The following LATS2 variants were observed in gnomAD, a reference collection of about 807,000 sequenced individuals.
LATS2 encodes the protein serine/threonine-protein kinase LATS2.
LATS2 carries 24 observed loss-of-function variants against 76.0 expected under a neutral mutation model. The observed-to-expected ratio is 0.32, with a 90% CI of 0.23 to 0.44. The LOEUF (loss-of-function observed/expected upper bound fraction) is 0.44, where lower values mean the gene tolerates loss of function less well. LATS2 is among the 20% of genes least tolerant of loss of function. The pLI, the probability that LATS2 is intolerant of heterozygous loss-of-function variation, is 1.00. For missense variants in LATS2, 1,286 were observed against 1,481.2 expected, an observed-to-expected ratio of 0.87 and a Z score of 2.16; for synonymous variants, 692 against 635.4, an observed-to-expected ratio of 1.09 and a Z score of -1.34.
intron 1 of LATS2, among the ~76,000 whole-genome samples, chr13:21,061,143 G>A (rs919604828): frequency 6.6e-6 from 1 of 151,784 alleles, no homozygotes; most frequent in Non-Finnish European, 1.5e-5. Context: ...GCCGCCGGGC[G>A]GGGGCGGCTC....
Position 20,981,612 on chromosome 13 carries a change from T to A in LATS2, c.2519A>T (p.Asp840Val), listed in dbSNP as rs1869892721. 6.2e-7 allele frequency: 1 copy of A among 1,613,748 alleles called. No homozygotes were observed. The highest frequency in any genetic ancestry group is 1.1e-5 in the South Asian group (1 of 91,038). The change falls in exon 6 of 8, where the codon GAC (aspartate) becomes GTC (valine). Residue 840 changes from aspartate to valine, a missense_variant. Transcript: ENST00000382592. Reference sequence around the variant, plus strand: ...ACAGTTAGACACATCATCCCAGAGGTCGCTGGGCTCCATGCTGTCCTGTCT... The same window carrying A: ...ACAGTTAGACACATCATCCCAGAGGACGCTGGGCTCCATGCTGTCCTGTCT... The part of the protein sequence containing the change: ...HVRQDSMEPS[D>V]LWDDVSNCRC...
At position 21,028,162 on chromosome 13, in the gene LATS2, G is replaced by C. The variant is rs1872386872; in HGVS notation, c.342+17523C>G. ...TTCTCATTGTTCAATTCCCATCTAT[G>C]AGTGAGAACATGCGGTGTTTGGTTT... On this transcript the variant is annotated intron_variant, in intron 2 of 7. Transcript: ENST00000382592. Among the ~76,000 whole-genome samples the C allele has an allele frequency of 1.3e-5, 2 of 151,934 alleles. 1 individual carries two copies. The highest frequency in any genetic ancestry group is 4.2e-4 in the South Asian group (2 of 4,808).
chr13:21,022,936 C>T (rs1872130092), intron 2 of LATS2: 1 of 152,226 alleles, frequency 6.6e-6, no homozygotes, highest in African/African-American at 2.4e-5. Context: ...AATAGACTCC[C>T]CTTCTTCACT....
chr13:20,976,772 T>TA (rs1003876992), intron 7 of LATS2, among the ~76,000 whole-genome samples: 2 of 151,630 alleles, frequency 1.3e-5, no homozygotes, highest in Admixed American at 6.6e-5. Context: ...GGCTACTACT[T>TA]AAAAAAAACA....
intron 2 of LATS2, among the ~76,000 whole-genome samples, chr13:20,998,135 A>G (rs1464716024): frequency 6.6e-6 from 1 of 152,056 alleles, no homozygotes; most frequent in Admixed American, 6.6e-5. Flanking sequence ...AGGCCAAGGT[A>G]GGATCGCTTG....
At chr13:21,060,093 T>C (rs1360441143) in intron 1 of LATS2, among the ~76,000 whole-genome samples, 1 of 152,254 alleles carries the variant, frequency 6.6e-6, no homozygotes, top group Non-Finnish European at 1.5e-5. Context: ...GGGACCCTGT[T>C]ACCGGCTGCT....
chr13:21,048,800 G>A (rs189478343), intron 1 of LATS2, among the ~76,000 whole-genome samples: 17 of 151,954 alleles, frequency 1.1e-4, no homozygotes, highest in Admixed American at 2.6e-4. Context: ...TCGCACCATC[G>A]CACTCCAGCC....
In LATS2 at chr13:21,058,605, C is replaced by T. The variant is rs80283228; in HGVS notation, c.-205+2741G>A. ...CAATTTACACTTAAACTATTTCAAA[C>T]TCGATGGAGAAGCCAGAAGAATCCC... is the stretch of plus-strand genomic sequence containing the variant. On this transcript the variant is annotated intron_variant, in intron 1 of 7. Transcript: ENST00000382592. Among the ~76,000 whole-genome samples, 1,352 of 152,336 alleles carry T rather than the reference C, an allele frequency of 8.9e-3. 34 individuals are homozygous for T. The highest frequency in any genetic ancestry group is 0.031 in the African/African-American group (1,289 of 41,562).
intron 2 of LATS2, among the ~76,000 whole-genome samples, chr13:21,038,839 C>T (rs551249457): frequency 2.0e-5 from 3 of 152,222 alleles, no homozygotes; most frequent in South Asian, 4.1e-4. Flanking sequence ...ATTAGCCGGG[C>T]GTGGTGGTGC....
intron 4 of LATS2, 91 bp downstream of exon 4, chr13:20,987,790 C>A: frequency 2.1e-6 from 3 of 1,433,286 alleles, no homozygotes; most frequent in Non-Finnish European, 2.9e-6. Flanking sequence ...AAGGGGTATA[C>A]AGTCGAAACA....
intron 2 of LATS2, among the ~76,000 whole-genome samples, chr13:20,992,842 C>A (rs1432833900): frequency 6.6e-6 from 1 of 152,012 alleles, no homozygotes; most frequent in East Asian, 1.9e-4. Context: ...CGAGACCATC[C>A]TGGCCAACAT....
At chr13:21,017,265 T>C (rs2138352680) in intron 2 of LATS2, among the ~76,000 whole-genome samples, 1 of 152,374 alleles carries the variant, frequency 6.6e-6, no homozygotes, top group East Asian at 1.9e-4. Flanking sequence ...GGTAGTTTTT[T>C]TCTTTTGTAC....
In LATS2 at chr13:20,974,736, A is replaced by C; in HGVS notation, c.*134T>G. The C allele has an allele frequency of 1.1e-6, 1 of 939,116 alleles. No individual in the cohort carries two copies. The highest frequency in any genetic ancestry group is 1.8e-5 in the South Asian group (1 of 56,500). The allele number at this position is 939,116 out of a possible 1,614,324, so 58.2% of individuals were successfully genotyped here. On this transcript the variant is annotated 3_prime_UTR_variant, in exon 8 of 8. Transcript: ENST00000382592. ...TGTTTGGGTTTTCTTGGTGAAGAGC[A>C]GAATTTCAAGTGAAGTAATCGACGG...
At position 20,998,674 on chromosome 13, in the gene LATS2, T is replaced by G. The variant is rs958672514; in HGVS notation, c.343-7270A>C. On this transcript the variant is annotated intron_variant, in intron 2 of 7. Transcript: ENST00000382592. ...CTCCTCTAACCGCCCCACCATTGCG[T>G]GCCCCTCCCCTGAGCGCGGCGCTCC... Among the ~76,000 whole-genome samples, 9 of 152,192 alleles carry G rather than the reference T, an allele frequency of 5.9e-5. No homozygotes were observed. The East Asian group carries it at 1.4e-3, about 23-fold the overall frequency.
intron 2 of LATS2, among the ~76,000 whole-genome samples, chr13:21,035,242 C>T (rs914669071): frequency 1.3e-5 from 2 of 151,842 alleles, no homozygotes; most frequent in Admixed American, 6.6e-5. Context: ...TGGGTAGTGA[C>T]TATGATAATG....
At chr13:21,031,950 T>C (rs551531128) in intron 2 of LATS2, among the ~76,000 whole-genome samples, 10 of 152,338 alleles carry the variant, frequency 6.6e-5, no homozygotes, top group East Asian at 5.8e-4. Flanking sequence ...TGTAATAGCT[T>C]TTTAAAAATT....
At chr13:21,045,341 G>A (rs7325181) in intron 2 of LATS2, among the ~76,000 whole-genome samples, 5,488 of 151,946 alleles carry the variant, frequency 0.036, 351 homozygotes, top group African/African-American at 0.13. Context: ...CGATAGCTCA[G>A]AATAACCCGA....
At chr13:20,981,801 T>C (rs1323154183) in intron 5 of LATS2, among the ~76,000 whole-genome samples, 153 bp from the exon 6 acceptor site, 1 of 152,196 alleles carries the variant, frequency 6.6e-6, no homozygotes, top group East Asian at 1.9e-4. Flanking sequence ...GCTGAGCTGC[T>C]CCATAGGGGC....
At chr13:21,032,802 G>A (rs1872575430) in intron 2 of LATS2, among the ~76,000 whole-genome samples, 1 of 152,226 alleles carries the variant, frequency 6.6e-6, no homozygotes, top group Admixed American at 6.5e-5. Context: ...AAGGCCACAA[G>A]GATGGGTCGT....
Sources: allele counts gnomAD v4.1 joint callset (sites outside exome capture counted in the v4.1 genomes callset), GRCh38; gene constraint gnomAD v4.1.1; transcripts MANE v1.5; gene names NCBI Gene and HGNC (gene_info 2026-07-23, HGNC 2026-07-21).